FBRSL1: variants seen among roughly 807,000 people sequenced by gnomAD.
FBRSL1 encodes the protein fibrosin like 1.
A neutral mutation model predicts 89.6 loss-of-function variants in FBRSL1; 51 were observed. The ratio of observed to expected loss-of-function variants is 0.57; its 90% confidence interval spans 0.45 to 0.72. The LOEUF is 0.72. Ranked by LOEUF, FBRSL1 falls within the 30% of genes least tolerant of loss-of-function variation. FBRSL1 has a pLI of 0.00. For missense variants in FBRSL1, 1,618 were observed against 1,451.8 expected (o/e 1.11, Z -1.86); for synonymous variants, 779 against 681.1 (o/e 1.14, Z -2.24).
chr12:132,527,720 T>TGGGCTGCG lies in FBRSL1; in HGVS notation c.580-228_580-221dup, dbSNP rs1566146027. ...GCTGCGGGGCTGTGGGGCAGGGTTG[T>TGGGCTGCG]GGGCTGCGGGGCAGGGTTGAGGGCT... is the stretch of plus-strand genomic sequence containing the variant. On this transcript the variant is annotated intron_variant, in intron 3 of 18. Coordinates refer to ENST00000680143, the MANE Select transcript of FBRSL1 (RefSeq NM_001367871.1). Among the ~76,000 whole-genome samples the TGGGCTGCG allele has an allele frequency of 2.2e-4, 26 of 119,572 alleles. 1 individual carries two copies. In the East Asian group the frequency reaches 3.9e-3, roughly 18 times the overall value. 78.4% of individuals were successfully genotyped at this position (119,572 alleles called of 152,430 possible).
chr12:132,547,882 C>T, intron 4 of FBRSL1, 121 bp from the exon 5 acceptor site: 1 of 1,060,826 alleles, frequency 9.4e-7, no homozygotes, highest in Non-Finnish European at 1.4e-6. Flanking sequence ...TGGTACCTCC[C>T]TCTCCTGGCA....
At chr12:132,510,965 G>A (rs972841307) in intron 2 of FBRSL1, 15 of 989,322 alleles carry the variant, frequency 1.5e-5, no homozygotes, top group Middle Eastern at 5.1e-4. Context: ...GCATGTGTGC[G>A]AGAGGGTGTG....
intron 5 of FBRSL1, among the ~76,000 whole-genome samples, chr12:132,555,255 A>G (rs1453796177): frequency 2.6e-5 from 4 of 151,870 alleles, no homozygotes; most frequent in Non-Finnish European, 4.4e-5. Context: ...GCTGTGGTGT[A>G]TCTCTGGAGG....
At chr12:132,581,543 C>A in intron 16 of FBRSL1, 27 bp downstream of exon 16, 1 of 1,548,786 alleles carries the variant, frequency 6.5e-7, no homozygotes, top group South Asian at 1.2e-5. Flanking sequence ...TCAGCCCACG[C>A]AGCCTGGCTG....
chr12:132,511,176 C>T, intron 2 of FBRSL1: 1 of 985,436 alleles, frequency 1.0e-6, no homozygotes, highest in Non-Finnish European at 1.2e-6. Flanking sequence ...TGCAGGGGAC[C>T]CGGAGGCTCC....
Position 132,499,728 on chromosome 12 carries a change from T to G in FBRSL1, c.292-8425T>G, listed in dbSNP as rs1054968054. Among the ~76,000 whole-genome samples the G allele has an allele frequency of 5.8e-4, 70 of 121,312 alleles. No individual in the cohort carries two copies. Among genetic ancestry groups the G allele is most frequent in the South Asian group, 1.3e-3 (5 of 3,798 alleles). 79.6% of individuals were successfully genotyped at this position (121,312 alleles called of 152,430 possible). On this transcript the variant is annotated intron_variant, in intron 1 of 18. Coordinates refer to ENST00000680143, the MANE Select transcript of FBRSL1 (RefSeq NM_001367871.1). This position sits in a 1 kb window ranked among gnomAD's most constrained non-coding sequence, Gnocchi z 4.3. ...GCTGGGGGGCTGCAGGGCTGGGGGGTGGGGCGCTGCGCAGCACCTAAACTC... is the reference window on the plus strand; with the variant it reads ...GCTGGGGGGCTGCAGGGCTGGGGGGGGGGGCGCTGCGCAGCACCTAAACTC...
At position 132,570,481 on chromosome 12, in the gene FBRSL1, C is replaced by A; in HGVS notation, c.1154C>A (p.Thr385Lys). 1 of 1,530,848 alleles carries A rather than the reference C, an allele frequency of 6.5e-7. No individual in the cohort carries two copies. The highest frequency in any genetic ancestry group is 1.2e-5 in the South Asian group (1 of 83,248). 94.8% of individuals were successfully genotyped at this position (1,530,848 alleles called of 1,614,324 possible). The change falls in exon 8 of 19, where the codon ACA (threonine) becomes AAA (lysine). Residue 385 changes from threonine to lysine, a missense_variant. Coordinates refer to ENST00000680143, the MANE Select transcript of FBRSL1 (RefSeq NM_001367871.1). Reference protein sequence around the residue: ...LHAAMFAAPPTLPPPPALPAS... With the variant: ...LHAAMFAAPPKLPPPPALPAS... ...GCGGCCATGTTTGCCGCACCCCCGA[C>A]ACTGCCCCCGCCCCCGGCGCTGCCG...
At chr12:132,508,022 C>T (rs2033894142) in intron 1 of FBRSL1, 131 bp from the exon 2 acceptor site, 21 of 903,834 alleles carry the variant, frequency 2.3e-5, no homozygotes, top group Non-Finnish European at 3.5e-5. Flanking sequence ...CAGCAGCCAT[C>T]TTCCTTTCCC....
At chr12:132,530,304 G>A (rs1409925061) in intron 4 of FBRSL1, among the ~76,000 whole-genome samples, 2 of 152,236 alleles carry the variant, frequency 1.3e-5, no homozygotes, top group Non-Finnish European at 2.9e-5. Context: ...GGGTCAAGTG[G>A]GGTGTCCTGA....
At chr12:132,521,286 C>T (rs555389254) in intron 2 of FBRSL1, among the ~76,000 whole-genome samples, 14 of 152,228 alleles carry the variant, frequency 9.2e-5, no homozygotes, top group Non-Finnish European at 2.1e-4. Context: ...TGTCCACACT[C>T]ATTTCCACTC....
chr12:132,559,730 G>C (rs990338155), intron 5 of FBRSL1, among the ~76,000 whole-genome samples: 1 of 152,178 alleles, frequency 6.6e-6, no homozygotes, highest in African/African-American at 2.4e-5. Flanking sequence ...TCCCCTTCTG[G>C]GAGCGGGGTG....
chr12:132,525,393 G>A (rs2035706829), intron 2 of FBRSL1, among the ~76,000 whole-genome samples: 1 of 152,228 alleles, frequency 6.6e-6, no homozygotes, highest in African/African-American at 2.4e-5. Context: ...AGCGGCTTGT[G>A]GAAGGGGCGG....
chr12:132,582,841 C>T, intron 18 of FBRSL1, 130 bp from the exon 19 acceptor site: 2 of 660,082 alleles, frequency 3.0e-6, no homozygotes, highest in Non-Finnish European at 4.5e-6. Context: ...GGTGCGGGAG[C>T]TGTGGGTGCT....
At chr12:132,528,107 C>G in intron 4 of FBRSL1, 119 bp downstream of exon 4, 1 of 882,868 alleles carries the variant, frequency 1.1e-6, no homozygotes, top group South Asian at 1.5e-5. Context: ...CCCGCTTTCC[C>G]TCTGGAGCCC....
At chr12:132,506,121 G>A (rs938870840) in intron 1 of FBRSL1, among the ~76,000 whole-genome samples, 2 of 152,160 alleles carry the variant, frequency 1.3e-5, no homozygotes, top group Non-Finnish European at 2.9e-5. Flanking sequence ...GGCTGAGCAG[G>A]GGGCAGGACA....
rs562742683 is a variant in FBRSL1, at chr12:132,555,480, C to G, written c.645+7448C>G. ...TGAGCGTGGCCTCCACGGTAGCCGC[C>G]CCACCCGAGCGTGAGCGTGGCCTCC... On this transcript the variant is annotated intron_variant, in intron 5 of 18. Coordinates refer to ENST00000680143, the MANE Select transcript of FBRSL1 (RefSeq NM_001367871.1). Among the ~76,000 whole-genome samples the G allele has an allele frequency of 1.2e-4, 18 of 144,514 alleles. 1 individual carries two copies. The highest frequency in any genetic ancestry group is 1.5e-4 in the African/African-American group (6 of 38,832). 94.8% of individuals were successfully genotyped at this position (144,514 alleles called of 152,430 possible). A position where few individuals can be genotyped will look rare whatever the true frequency, so the allele number is the denominator to read the frequency against.
intron 1 of FBRSL1, among the ~76,000 whole-genome samples, chr12:132,505,917 T>C (rs904931002): frequency 5.3e-5 from 8 of 152,204 alleles, no homozygotes; most frequent in Non-Finnish European, 8.8e-5. Flanking sequence ...GGGACAGCCC[T>C]CCCAGAGCTT....
intron 8 of FBRSL1, among the ~76,000 whole-genome samples, chr12:132,570,803 C>A (rs549062326): frequency 9.2e-5 from 14 of 151,716 alleles, no homozygotes; most frequent in Non-Finnish European, 1.6e-4. Context: ...ACGGGCCTCC[C>A]CTCCTGGGGC....
At chr12:132,501,944 T>C (rs1007856309) in intron 1 of FBRSL1, among the ~76,000 whole-genome samples, 13 of 152,272 alleles carry the variant, frequency 8.5e-5, no homozygotes, top group African/African-American at 2.7e-4. Context: ...ACCTGGCTTC[T>C]TTCTGTTGTC....
Sources: gnomAD v4.1 joint callset for allele counts (sites outside exome capture counted in the v4.1 genomes callset) on GRCh38, gnomAD v4.1.1 for gene constraint, Gnocchi (gnomAD v3.1) non-coding constraint, MANE v1.5 for transcripts, NCBI Gene and HGNC (gene_info 2026-07-23, HGNC 2026-07-21) for gene names.